Variants in PLD5 observed in about 807,000 individuals in gnomAD.
PLD5 encodes the protein inactive phospholipase D5.
A neutral mutation model predicts 61.1 loss-of-function variants in PLD5; 36 were observed. That is an observed-to-expected ratio of 0.59 (90% CI 0.45 to 0.78). PLD5 has a LOEUF of 0.78. Among genes scored for constraint, PLD5 ranks in the 30% least tolerant of loss-of-function variants. The probability of loss-of-function intolerance (pLI) is 0.00; values close to 1 mark genes in which losing one functional copy is unlikely to be tolerated. For missense variants in PLD5, 515 were observed against 644.4 expected (o/e 0.80, Z 2.17); for synonymous variants, 243 against 242.8 (o/e 1.00, Z -0.01).
chr1:242,467,727 G>A (rs1667321444), intron 1 of PLD5, among the ~76,000 whole-genome samples: 1 of 152,106 alleles, frequency 6.6e-6, no homozygotes, highest in Admixed American at 6.6e-5. Context: ...TACCATGAGG[G>A]CCCACCAGGT....
intron 1 of PLD5, among the ~76,000 whole-genome samples, chr1:242,492,522 C>CAAAA (rs35988130): frequency 8.2e-6 from 1 of 122,438 alleles, no homozygotes; most frequent in African/African-American, 3.0e-5. Flanking sequence ...AACTCCGTCT[C>CAAAA]AAAAAAAAAA....
chr1:242,094,220 T>C (rs1660052672), intron 9 of PLD5, among the ~76,000 whole-genome samples: 1 of 152,052 alleles, frequency 6.6e-6, no homozygotes, highest in Non-Finnish European at 1.5e-5. Context: ...GACATGATGA[T>C]GAGGTTGCAA....
chr1:242,369,400 G>A (rs1204836467), intron 1 of PLD5, among the ~76,000 whole-genome samples: 1 of 152,070 alleles, frequency 6.6e-6, no homozygotes, highest in Non-Finnish European at 1.5e-5. Flanking sequence ...TTACAGAAGT[G>A]TTTACATATG....
chr1:242,102,221 T>C (rs1018093828), intron 8 of PLD5, among the ~76,000 whole-genome samples: 1 of 152,232 alleles, frequency 6.6e-6, no homozygotes, highest in Non-Finnish European at 1.5e-5. Flanking sequence ...AAAGATATTA[T>C]TGTAGAATCA....
chr1:242,473,229 C>T (rs1667495237), intron 1 of PLD5, among the ~76,000 whole-genome samples: 1 of 151,878 alleles, frequency 6.6e-6, no homozygotes, highest in Non-Finnish European at 1.5e-5. Context: ...TTAAAAATAA[C>T]CAAAAATGGT....
chr1:242,124,991 C>G (rs901616569), intron 5 of PLD5, among the ~76,000 whole-genome samples: 3 of 151,932 alleles, frequency 2.0e-5, no homozygotes, highest in Non-Finnish European at 4.4e-5. Context: ...AATCAGGTGG[C>G]AAGAAAAAGG....
intron 6 of PLD5, among the ~76,000 whole-genome samples, chr1:242,123,353 A>G (rs1662530070): frequency 6.6e-6 from 1 of 152,262 alleles, no homozygotes; most frequent in Admixed American, 6.5e-5. Context: ...CATTTAAGAA[A>G]GACTAATAAA....
At chr1:242,414,928 A>T (rs374849206) in intron 1 of PLD5, among the ~76,000 whole-genome samples, 1 of 152,266 alleles carries the variant, frequency 6.6e-6, no homozygotes, top group Non-Finnish European at 1.5e-5. Context: ...CAATCACGCT[A>T]TAGAAAAATG....
At chr1:242,484,183 A>T (rs991802764) in intron 1 of PLD5, among the ~76,000 whole-genome samples, 5 of 152,238 alleles carry the variant, frequency 3.3e-5, no homozygotes, top group African/African-American at 1.2e-4. Flanking sequence ...TTCAAAAGCT[A>T]GCAGAAGGCA....
chr1:242,470,952 TC>T (rs1667432544), intron 1 of PLD5, among the ~76,000 whole-genome samples: 1 of 152,312 alleles, frequency 6.6e-6, no homozygotes, highest in African/African-American at 2.4e-5. Context: ...CCAGTCCTTG[TC>T]CAAGACAATG....
chr1:242,123,799 C>T (rs959857718), intron 6 of PLD5, among the ~76,000 whole-genome samples: 1 of 152,208 alleles, frequency 6.6e-6, no homozygotes, highest in Non-Finnish European at 1.5e-5. Flanking sequence ...ATTTACATTG[C>T]CCCTTTCCAG....
intron 1 of PLD5, among the ~76,000 whole-genome samples, chr1:242,503,160 T>C (rs977459579): frequency 2.6e-5 from 4 of 151,968 alleles, no homozygotes; most frequent in African/African-American, 9.7e-5. Context: ...CTAAATCTCA[T>C]AGAAATGTCA....
At chr1:242,428,853 G>A (rs1393077046) in intron 1 of PLD5, among the ~76,000 whole-genome samples, 2 of 152,138 alleles carry the variant, frequency 1.3e-5, no homozygotes, top group Non-Finnish European at 2.9e-5. Context: ...GAAACAAATG[G>A]AAAAATATTT....
chr1:242,348,073 C>T (rs781602923), intron 2 of PLD5, 33 bp downstream of exon 2: 5 of 1,608,888 alleles, frequency 3.1e-6, no homozygotes, highest in Non-Finnish European at 4.2e-6. Context: ...TTGCCCGCCC[C>T]CTAAAAGAGA....
chr1:242,400,579 A>G (rs1663874342), intron 1 of PLD5, among the ~76,000 whole-genome samples: 1 of 152,190 alleles, frequency 6.6e-6, no homozygotes, highest in African/African-American at 2.4e-5. Flanking sequence ...TTATACACAA[A>G]AGCCTCTTGC....
At chr1:242,102,563 A>C (rs1391155121) in intron 8 of PLD5, among the ~76,000 whole-genome samples, 1 of 152,208 alleles carries the variant, frequency 6.6e-6, no homozygotes, top group African/African-American at 2.4e-5. Context: ...AGATAAGCCC[A>C]CATCAGGGCT....
intron 2 of PLD5, among the ~76,000 whole-genome samples, chr1:242,318,077 T>C (rs1314283826): frequency 2.0e-5 from 3 of 152,102 alleles, no homozygotes; most frequent in African/African-American, 7.2e-5. Context: ...AATAGGAACA[T>C]TGGAATATTT....
intron 4 of PLD5, among the ~76,000 whole-genome samples, chr1:242,254,189 C>A (rs1310290490): frequency 6.6e-6 from 1 of 152,102 alleles, no homozygotes; most frequent in Non-Finnish European, 1.5e-5. Flanking sequence ...AGGTCAAACA[C>A]AAATAGTACA....
At chr1:242,229,544 G>T in intron 4 of PLD5, among the ~76,000 whole-genome samples, 1 of 152,034 alleles carries the variant, frequency 6.6e-6, no homozygotes, top group Non-Finnish European at 1.5e-5. Context: ...GATCAATTTG[G>T]GAAGAATTGA....
Sources: gnomAD v4.1 joint callset for allele counts (sites outside exome capture counted in the v4.1 genomes callset) on GRCh38, gnomAD v4.1.1 for gene constraint, MANE v1.5 for transcripts, NCBI Gene and HGNC (gene_info 2026-07-23, HGNC 2026-07-21) for gene names.